The following ACSS3 variants were observed in gnomAD, a reference collection of about 807,000 sequenced individuals.
The protein encoded by ACSS3 is acyl-CoA synthetase short-chain family member 3, mitochondrial.
Under a neutral mutation model 84.2 loss-of-function variants are expected in ACSS3, and 64 were observed. The observed-to-expected ratio is 0.76, with a 90% CI of 0.62 to 0.94. The LOEUF is 0.94. Ranked by LOEUF, ACSS3 falls within the 40% of genes least tolerant of loss-of-function variation. ACSS3 has a pLI of 0.00. For synonymous variants in ACSS3, 317 were observed against 310.1 expected, an observed-to-expected ratio of 1.02 and a Z score of -0.23; for missense variants, 815 against 867.6, an observed-to-expected ratio of 0.94 and a Z score of 0.76.
At chr12:81,144,310 T>C (rs1290668470) in intron 5 of ACSS3, among the ~76,000 whole-genome samples, 2 of 151,828 alleles carry the variant, frequency 1.3e-5, no homozygotes, top group African/African-American at 4.9e-5. Context: ...CTCAATAAAT[T>C]TTTGTTGAAT....
chr12:81,094,180 C>CTGTGTG (rs371392868), intron 1 of ACSS3, among the ~76,000 whole-genome samples: 1,590 of 132,932 alleles, frequency 0.012, 25 homozygotes, highest in East Asian at 0.042. Flanking sequence ...CTCTGTCTCT[C>CTGTGTG]TCTCTGTGTG....
intron 2 of ACSS3, among the ~76,000 whole-genome samples, chr12:81,111,800 A>G (rs1303057283): frequency 1.3e-5 from 2 of 152,166 alleles, no homozygotes; most frequent in Non-Finnish European, 2.9e-5. Context: ...GGGAAGAAAT[A>G]TCTTGTCCTC....
At chr12:81,200,770 G>A (rs1384270801) in intron 9 of ACSS3, among the ~76,000 whole-genome samples, 2 of 151,604 alleles carry the variant, frequency 1.3e-5, no homozygotes, top group African/African-American at 4.8e-5. Flanking sequence ...GCGTGATGGA[G>A]CGTGCCTGTA....
intron 1 of ACSS3, among the ~76,000 whole-genome samples, chr12:81,090,987 A>C (rs1023448484): frequency 6.6e-6 from 1 of 152,062 alleles, no homozygotes; most frequent in Non-Finnish European, 1.5e-5. Flanking sequence ...TAATACCTAA[A>C]ACAATTAAGT....
At chr12:81,253,188 T>C in intron 13 of ACSS3, 119 bp from the exon 14 acceptor site, 1 of 1,145,468 alleles carries the variant, frequency 8.7e-7, no homozygotes, top group Non-Finnish European at 1.2e-6. Flanking sequence ...TACATGCACT[T>C]TTTTCCCCAA....
chr12:81,254,943 T>A lies in ACSS3; in HGVS notation c.*21T>A. 6.6e-7 allele frequency: 1 copy of A among 1,523,774 alleles called. No individual in the cohort carries two copies. Among genetic ancestry groups the A allele is most frequent in the Non-Finnish European group, 8.9e-7 (1 of 1,125,136 alleles). The allele number at this position is 1,523,774 out of a possible 1,614,324, so 94.4% of individuals were successfully genotyped here. ...CATAATGAGTTTGTCTTATTCCTATTTTGAGTTGATTTAATTTCTTAATTG... is the reference window on the plus strand; with the variant it reads ...CATAATGAGTTTGTCTTATTCCTATATTGAGTTGATTTAATTTCTTAATTG... On this transcript the variant is annotated 3_prime_UTR_variant, in exon 16 of 16. Coordinates refer to ENST00000548058, the MANE Select transcript of ACSS3 (RefSeq NM_024560.4).
At chr12:81,243,314 A>G (rs1282951434) in intron 13 of ACSS3, among the ~76,000 whole-genome samples, 1 of 152,200 alleles carries the variant, frequency 6.6e-6, no homozygotes, top group African/African-American at 2.4e-5. Context: ...GACGTGAAGG[A>G]CCTCTTCAAG....
At position 81,078,300 on chromosome 12, in the gene ACSS3, C is replaced by T; in HGVS notation, c.180C>T (p.Ser60=). 1 of 1,612,038 alleles carries T rather than the reference C, an allele frequency of 6.2e-7. No individual in the cohort carries two copies. Residue 60 remains serine (S), a synonymous_variant, in exon 1 of 16, where the codon AGC becomes AGT. Transcript: ENST00000548058. ...GGGCACTGTCCTCCGGCAGTGGCAG[C>T]GAGTACAAGACCCACTTCGCAGCCT... ...GCRALSSGSG[S]EYKTHFAASV... is the part of the protein sequence containing the mutation.
chr12:81,146,148 A>G (rs1252918379), intron 5 of ACSS3, among the ~76,000 whole-genome samples: 1 of 152,202 alleles, frequency 6.6e-6, no homozygotes, highest in East Asian at 1.9e-4. Context: ...GAGGTCTTAG[A>G]ATATACATTA....
chr12:81,081,751 A>C (rs1395562294), intron 1 of ACSS3, among the ~76,000 whole-genome samples: 1 of 152,250 alleles, frequency 6.6e-6, no homozygotes, highest in East Asian at 1.9e-4. Flanking sequence ...TTTGTTTAGA[A>C]ATCAATATGT....
Position 81,259,269 on chromosome 12 carries a change from C to A in ACSS3, c.*4347C>A. ...TGTCAAATGTTTGCACTCGAGACTC[C>A]ATGAACCATATATTTTATTTTTTAA... On this transcript the variant is annotated 3_prime_UTR_variant, in exon 16 of 16. Coordinates refer to ENST00000548058, the MANE Select transcript of ACSS3 (RefSeq NM_024560.4). 6.2e-6 allele frequency: 2 copies of A among 321,560 alleles called. No individual in the cohort carries two copies. Among genetic ancestry groups the A allele is most frequent in the South Asian group, 2.9e-5 (1 of 34,804 alleles). The allele number at this position is 321,560 out of a possible 1,614,324, so 19.9% of individuals were successfully genotyped here.
intron 11 of ACSS3, among the ~76,000 whole-genome samples, chr12:81,229,141 A>G (rs990655148): frequency 3.3e-5 from 5 of 151,838 alleles, no homozygotes; most frequent in Admixed American, 6.6e-5. Flanking sequence ...CTTTAGTATA[A>G]TAGAGCAATA....
chr12:81,221,871 A>G (rs1441118487), intron 11 of ACSS3, among the ~76,000 whole-genome samples: 2 of 151,974 alleles, frequency 1.3e-5, no homozygotes, highest in Non-Finnish European at 2.9e-5. Context: ...TTTTTATGTA[A>G]CCTCCTAACT....
intron 8 of ACSS3, among the ~76,000 whole-genome samples, chr12:81,197,217 A>G (rs2031879235): frequency 6.6e-6 from 1 of 152,216 alleles, no homozygotes; most frequent in African/African-American, 2.4e-5. Flanking sequence ...CTTCACATAT[A>G]GACATCATTT....
intron 13 of ACSS3, among the ~76,000 whole-genome samples, chr12:81,236,418 G>A (rs2033632519): frequency 6.6e-6 from 1 of 151,150 alleles, no homozygotes; most frequent in Non-Finnish European, 1.5e-5. Context: ...TCTACTGTTT[G>A]TAGTAATCAT....
chr12:81,196,283 T>A (rs1473325787), intron 8 of ACSS3, among the ~76,000 whole-genome samples: 1 of 152,188 alleles, frequency 6.6e-6, no homozygotes, highest in Non-Finnish European at 1.5e-5. Flanking sequence ...CTCATGTGGT[T>A]ATTGAACTCT....
intron 13 of ACSS3, among the ~76,000 whole-genome samples, chr12:81,244,022 G>C (rs964179080): frequency 6.6e-6 from 1 of 151,766 alleles, no homozygotes; most frequent in African/African-American, 2.4e-5. Context: ...GCAGGTCTAC[G>C]GGCAACACAT....
rs980510172 is a variant in ACSS3 at position 81,257,632 on chromosome 12, A to T, written c.*2710A>T. ...CTTTGCTTGTGAAAATATATTAAAC[A>T]TATTTAAATGAGACCTATCCTACAT... On this transcript the variant is annotated 3_prime_UTR_variant, in exon 16 of 16. Coordinates refer to ENST00000548058, the MANE Select transcript of ACSS3 (RefSeq NM_024560.4). 3 of 152,114 alleles carry T rather than the reference A, an allele frequency of 2.0e-5. No homozygotes were observed. Among genetic ancestry groups the T allele is most frequent in the African/African-American group, 7.2e-5 (3 of 41,456 alleles). The allele number at this position is 152,114 out of a possible 1,614,324, so 9.4% of individuals were successfully genotyped here. A position where few individuals can be genotyped will look rare whatever the true frequency, so the allele number is the denominator to read the frequency against.
intron 13 of ACSS3, among the ~76,000 whole-genome samples, chr12:81,243,036 G>T (rs959311236): frequency 2.6e-5 from 4 of 151,752 alleles, no homozygotes; most frequent in East Asian, 1.9e-4. Context: ...AGGAAATAAA[G>T]GGTATTCAAT....
Sources: gnomAD v4.1 joint callset for allele counts (sites outside exome capture counted in the v4.1 genomes callset) on GRCh38, gnomAD v4.1.1 for gene constraint, MANE v1.5 for transcripts, NCBI Gene and HGNC (gene_info 2026-07-23, HGNC 2026-07-21) for gene names.